The following NUAK1 variants were observed in gnomAD, a reference collection of about 807,000 sequenced individuals.
NUAK1 encodes NUAK family SNF1-like kinase 1.
In NUAK1, 26 loss-of-function variants were observed where a neutral mutation model predicts 56.9. The observed-to-expected ratio is 0.46, with a 90% confidence interval of 0.33 to 0.63. The LOEUF (loss-of-function observed/expected upper bound fraction) is 0.63. NUAK1 is among the 30% of genes least tolerant of loss of function. NUAK1 has a pLI of 0.02. For missense variants in NUAK1, 727 were observed against 876.1 expected (o/e 0.83, Z 2.15); for synonymous variants, 337 against 336.0 (o/e 1.00, Z -0.03).
At chr12:106,136,917 C>T (rs914757464) in intron 1 of NUAK1, among the ~76,000 whole-genome samples, 4 of 152,208 alleles carry the variant, frequency 2.6e-5, no homozygotes, top group Non-Finnish European at 2.9e-5. Context: ...ACCCTTACAA[C>T]CCTCCCCTTT....
chr12:106,064,804 C>A lies in NUAK1; in HGVS notation c.*1998G>T, dbSNP rs1446620023. 3 of 139,768 alleles carry A rather than the reference C, an allele frequency of 2.1e-5. No homozygotes were observed. The highest frequency in any genetic ancestry group is 2.4e-4 in the South Asian group (1 of 4,118). The allele number at this position is 139,768 out of a possible 1,614,324, so 8.7% of individuals were successfully genotyped here. Reference sequence around the variant, plus strand: ...GCACCCACACCCCCACCCCCCCCCACACACACAATTTGCTATCTACAGAAT... The same window carrying A: ...GCACCCACACCCCCACCCCCCCCCAAACACACAATTTGCTATCTACAGAAT... On this transcript the variant is annotated 3_prime_UTR_variant, in exon 7 of 7. Coordinates refer to ENST00000261402, the MANE Select transcript of NUAK1 (RefSeq NM_014840.3).
chr12:106,107,966 T>C (rs2032819435), intron 1 of NUAK1, among the ~76,000 whole-genome samples: 1 of 152,208 alleles, frequency 6.6e-6, no homozygotes, highest in South Asian at 2.1e-4. Context: ...AGGGATCTTA[T>C]TCACTGCTTT....
intron 1 of NUAK1, among the ~76,000 whole-genome samples, chr12:106,123,855 C>T (rs1243464546): frequency 6.6e-6 from 1 of 152,166 alleles, no homozygotes; most frequent in Non-Finnish European, 1.5e-5. Context: ...GCTACAACGT[C>T]CCACTGGGCC....
chr12:106,086,253 AT>A (rs2032569575), intron 3 of NUAK1, among the ~76,000 whole-genome samples: 1 of 152,224 alleles, frequency 6.6e-6, no homozygotes, highest in Non-Finnish European at 1.5e-5. Flanking sequence ...ATAGGAAAAT[AT>A]TTAGATTAAA....
At chr12:106,113,720 A>G (rs2032888865) in intron 1 of NUAK1, among the ~76,000 whole-genome samples, 1 of 150,428 alleles carries the variant, frequency 6.6e-6, no homozygotes, top group East Asian at 1.9e-4. Flanking sequence ...ATTTATACAC[A>G]GAGGAATTAA....
chr12:106,094,266 G>T (rs750281921), intron 2 of NUAK1, among the ~76,000 whole-genome samples: 10 of 152,242 alleles, frequency 6.6e-5, no homozygotes, highest in Non-Finnish European at 1.3e-4. Flanking sequence ...CAGCATTTTT[G>T]TAATTTTCCC....
chr12:106,130,122 C>T (rs1004887973), intron 1 of NUAK1, among the ~76,000 whole-genome samples: 3 of 152,158 alleles, frequency 2.0e-5, no homozygotes, highest in Non-Finnish European at 4.4e-5. Flanking sequence ...GCTGGGATTA[C>T]AGGCATGCGC....
At chr12:106,094,713 A>G (rs944779021) in intron 2 of NUAK1, among the ~76,000 whole-genome samples, 5 of 152,334 alleles carry the variant, frequency 3.3e-5, no homozygotes, top group Non-Finnish European at 7.4e-5. Flanking sequence ...ACCACAGCCA[A>G]TGAGGCCACC....
In NUAK1 at chr12:106,064,280, C is replaced by G. The variant is rs1359488997; in HGVS notation, c.*2522G>C. ...CTTGAAAGGACAGTCAACACCACAC[C>G]TAGAATCAGAGGATGTTGGCAGAGT... On this transcript the variant is annotated 3_prime_UTR_variant, in exon 7 of 7. Coordinates refer to ENST00000261402, the MANE Select transcript of NUAK1 (RefSeq NM_014840.3). 2 of 152,214 alleles carry G rather than the reference C, an allele frequency of 1.3e-5. No homozygotes were observed. The highest frequency in any genetic ancestry group is 2.4e-5 in the African/African-American group (1 of 41,442). The allele number at this position is 152,214 out of a possible 1,614,324, so 9.4% of individuals were successfully genotyped here. A position where few individuals can be genotyped will look rare whatever the true frequency, so the allele number is the denominator to read the frequency against.
chr12:106,124,114 G>A (rs2033003795), intron 1 of NUAK1, among the ~76,000 whole-genome samples: 1 of 152,116 alleles, frequency 6.6e-6, no homozygotes, highest in African/African-American at 2.4e-5. Flanking sequence ...GGGGTTGGGG[G>A]AAAGGAAGAG....
At chr12:106,113,844 G>A (rs2032890507) in intron 1 of NUAK1, among the ~76,000 whole-genome samples, 1 of 152,022 alleles carries the variant, frequency 6.6e-6, no homozygotes, top group Non-Finnish European at 1.5e-5. Context: ...GCCTGTGGAT[G>A]AAGTGATGCC....
intron 2 of NUAK1, among the ~76,000 whole-genome samples, chr12:106,105,614 CA>C (rs1300520557): frequency 6.6e-6 from 1 of 152,062 alleles, no homozygotes; most frequent in African/African-American, 2.4e-5. Flanking sequence ...ACAAAAACCA[CA>C]AATAGATACA....
intron 1 of NUAK1, among the ~76,000 whole-genome samples, chr12:106,120,671 A>G (rs1316911512): frequency 2.0e-5 from 3 of 152,168 alleles, no homozygotes; most frequent in Non-Finnish European, 4.4e-5. Context: ...CCTGAAATAA[A>G]CAGACAGTCA....
intron 1 of NUAK1, among the ~76,000 whole-genome samples, chr12:106,124,686 G>A (rs542722450): frequency 3.9e-5 from 6 of 152,238 alleles, no homozygotes; most frequent in African/African-American, 1.4e-4. Context: ...ATCCAGAGTG[G>A]TATCTCACAC....
Position 106,067,498 on chromosome 12 carries a change from C to A in NUAK1, c.1290G>T (p.Lys430Asn), listed in dbSNP as rs559454484. 5 of 1,614,198 alleles carry A rather than the reference C, an allele frequency of 3.1e-6. No homozygotes were observed. The African/African-American group carries it at 4.0e-5, about 13-fold the overall frequency. ...VVGPALPSTF[K>N]MEQDLCRTGV... ...CAGTCCTGCACAAGTCCTGCTCCAT[C>A]TTGAAAGTAGAGGGTAAGGCAGGAC... Residue 430 changes from lysine (K) to asparagine (N), a missense_variant, in exon 7 of 7, where the codon AAG becomes AAT. By Grantham distance (94) the Lys-to-Asn change is moderately conservative. Transcript: ENST00000261402. This position sits in a 1 kb window ranked among gnomAD's most constrained non-coding sequence, Gnocchi z 6.0.
intron 4 of NUAK1, among the ~76,000 whole-genome samples, 191 bp downstream of exon 4, chr12:106,083,673 G>A (rs547531331): frequency 1.3e-5 from 2 of 152,310 alleles, no homozygotes; most frequent in South Asian, 4.1e-4. Context: ...TATAGTAGGA[G>A]ATCAATAACT....
At chr12:106,115,545 T>C (rs2032907706) in intron 1 of NUAK1, among the ~76,000 whole-genome samples, 1 of 152,180 alleles carries the variant, frequency 6.6e-6, no homozygotes, top group African/African-American at 2.4e-5. Flanking sequence ...AAGCATCTTT[T>C]TCCTTCCAAG....
chr12:106,134,257 C>A (rs1352335960), intron 1 of NUAK1, among the ~76,000 whole-genome samples: 1 of 152,254 alleles, frequency 6.6e-6, no homozygotes, highest in Non-Finnish European at 1.5e-5. Context: ...CAACATGGCA[C>A]TTCTGCCACC....
intron 4 of NUAK1, among the ~76,000 whole-genome samples, chr12:106,081,349 C>T (rs2032516212): frequency 6.6e-6 from 1 of 152,144 alleles, no homozygotes; most frequent in African/African-American, 2.4e-5. Flanking sequence ...AGTAGGATTC[C>T]TTGAACAAAG....
Sources: allele counts gnomAD v4.1 joint callset (sites outside exome capture counted in the v4.1 genomes callset), GRCh38; gene constraint gnomAD v4.1.1; non-coding constraint Gnocchi (gnomAD v3.1); transcripts MANE v1.5; gene names NCBI Gene and HGNC (gene_info 2026-07-23, HGNC 2026-07-21).